The following BMPR1B variants were observed in gnomAD, a reference collection of about 807,000 sequenced individuals.
BMPR1B encodes the protein bone morphogenetic protein receptor type 1B.
BMPR1B carries 12 observed loss-of-function variants against 59.1 expected under a neutral mutation model. The ratio of observed to expected loss-of-function variants is 0.20; its 90% CI spans 0.13 to 0.33. The LOEUF (loss-of-function observed/expected upper bound fraction) is 0.33, where lower values mean the gene tolerates loss of function less well. Ranked by LOEUF, BMPR1B falls within the 10% of genes least tolerant of loss-of-function variation. The pLI is 1.00. For synonymous variants in BMPR1B, 237 were observed against 207.3 expected, an observed-to-expected ratio of 1.14 and a Z score of -1.23; for missense variants, 550 against 610.9, an observed-to-expected ratio of 0.90 and a Z score of 1.05.
intron 1 of BMPR1B, among the ~76,000 whole-genome samples, chr4:94,786,582 A>T (rs1051816323): frequency 5.9e-5 from 9 of 152,168 alleles, no homozygotes; most frequent in African/African-American, 2.2e-4. Context: ...TCTGTTGCCC[A>T]GGCTGGAATG....
intron 3 of BMPR1B, among the ~76,000 whole-genome samples, chr4:95,075,336 T>C (rs1310533211): frequency 6.6e-6 from 1 of 152,196 alleles, no homozygotes; most frequent in East Asian, 1.9e-4. Context: ...GTGACTGCTA[T>C]ACTTATGATT....
rs185941316 is a variant in BMPR1B, at chr4:95,093,586, A to G, written c.-17-10822A>G. On this transcript the variant is annotated intron_variant, in intron 3 of 12. Coordinates refer to ENST00000515059, the MANE Select transcript of BMPR1B (RefSeq NM_001203.3). ...TGTTGTCTGTTGACTTGTATGTCAT[A>G]TTTACTCTTCTTATGTTTTTTTATG... Among the ~76,000 whole-genome samples, 31 of 151,972 alleles carry G rather than the reference A, an allele frequency of 2.0e-4. No homozygotes were observed. In the East Asian group the frequency reaches 5.8e-3, roughly 29 times the overall value.
At position 95,116,421 on chromosome 4, in the gene BMPR1B, G is replaced by GCGCACACACACA; in HGVS notation, c.349+635_349+636insGCACACACACAC. Among the ~76,000 whole-genome samples, 1,019 of 123,220 alleles carry GCGCACACACACA rather than the reference G, an allele frequency of 8.3e-3. 18 individuals are homozygous for GCGCACACACACA. Among genetic ancestry groups the GCGCACACACACA allele is most frequent in the African/African-American group, 0.032 (879 of 27,830 alleles). 80.8% of individuals were successfully genotyped at this position (123,220 alleles called of 152,430 possible). ...CTCCTCCTCCATGCTTTCAGCGCGC[G>GCGCACACACACA]CACACACACACACACACACACACAC... On this transcript the variant is annotated intron_variant, in intron 6 of 12. Transcript: ENST00000515059.
intron 2 of BMPR1B, among the ~76,000 whole-genome samples, chr4:94,903,529 A>T (rs1325124018): frequency 1.3e-5 from 2 of 151,020 alleles, no homozygotes; most frequent in African/African-American, 4.9e-5. Context: ...TTTTTTTTTA[A>T]AAAGACAATC....
At chr4:95,115,042 A>C (rs777385780) in intron 5 of BMPR1B, among the ~76,000 whole-genome samples, 28 of 152,292 alleles carry the variant, frequency 1.8e-4, no homozygotes, top group South Asian at 4.1e-4. Flanking sequence ...TTCTATGGTT[A>C]GATACACAAA....
chr4:94,826,331 G>A (rs866883201), intron 1 of BMPR1B, among the ~76,000 whole-genome samples: 1 of 152,104 alleles, frequency 6.6e-6, no homozygotes, highest in African/African-American at 2.4e-5. Context: ...TCTGTCAAAT[G>A]TAGTCATTTG....
chr4:94,818,776 T>G (rs887647974), intron 1 of BMPR1B, among the ~76,000 whole-genome samples: 1 of 152,166 alleles, frequency 6.6e-6, no homozygotes, highest in African/African-American at 2.4e-5. Context: ...TAGTCTAGAC[T>G]GATTTTGGGG....
intron 10 of BMPR1B, among the ~76,000 whole-genome samples, chr4:95,143,349 G>A (rs1294739468): frequency 2.0e-5 from 3 of 152,248 alleles, no homozygotes; most frequent in Non-Finnish European, 4.4e-5. Flanking sequence ...TCCTGGCAGA[G>A]TGAGTGGCTC....
chr4:95,018,735 A>G (rs1330942166), intron 3 of BMPR1B, among the ~76,000 whole-genome samples: 1 of 152,174 alleles, frequency 6.6e-6, no homozygotes, highest in African/African-American at 2.4e-5. Context: ...CAAAACTGAC[A>G]AACAAACCAG....
intron 1 of BMPR1B, among the ~76,000 whole-genome samples, chr4:94,812,883 A>G (rs985808007): frequency 2.3e-4 from 35 of 152,368 alleles, no homozygotes; most frequent in African/African-American, 7.7e-4. Context: ...TACAGTTTAT[A>G]GACCGCATCA....
chr4:95,098,570 A>G (rs182260794), intron 3 of BMPR1B, among the ~76,000 whole-genome samples: 196 of 151,090 alleles, frequency 1.3e-3, no homozygotes, highest in African/African-American at 4.4e-3. Flanking sequence ...TATTTTTATT[A>G]TACTTTAAGT....
intron 3 of BMPR1B, among the ~76,000 whole-genome samples, chr4:95,098,801 C>T (rs1730612392): frequency 6.6e-6 from 1 of 152,064 alleles, no homozygotes; most frequent in Non-Finnish European, 1.5e-5. Flanking sequence ...ACTGCAAGCT[C>T]CACCTCCCAG....
At chr4:95,064,251 C>G (rs565984191) in intron 3 of BMPR1B, among the ~76,000 whole-genome samples, 11 of 152,288 alleles carry the variant, frequency 7.2e-5, no homozygotes, top group African/African-American at 2.6e-4. Context: ...GGACCATGGA[C>G]TGGTAGTCAT....
chr4:94,857,604 G>A (rs1443039619), intron 1 of BMPR1B, among the ~76,000 whole-genome samples: 7 of 152,120 alleles, frequency 4.6e-5, no homozygotes, highest in Non-Finnish European at 1.0e-4. Flanking sequence ...AGATGAACAA[G>A]GAGAATAAAT....
At chr4:94,957,174 TAGTGTTAACAATC>T (rs1730170603) in intron 2 of BMPR1B, among the ~76,000 whole-genome samples, 1 of 152,130 alleles carries the variant, frequency 6.6e-6, no homozygotes. Flanking sequence ...TGCTGGGGAT[TAGTGTTAACAATC>T]CTGTGTTTGA....
intron 1 of BMPR1B, among the ~76,000 whole-genome samples, chr4:94,870,628 T>C (rs1478471391): frequency 6.6e-6 from 1 of 152,224 alleles, no homozygotes. Context: ...CTGTTTAATT[T>C]GACTTTTCTT....
intron 1 of BMPR1B, among the ~76,000 whole-genome samples, chr4:94,785,729 G>T (rs189381370): frequency 3.0e-4 from 45 of 152,142 alleles, no homozygotes; most frequent in Admixed American, 2.6e-3. Context: ...ATATAAGAGT[G>T]GCAAGGCTGC....
chr4:94,936,293 G>A (rs1331738390), intron 2 of BMPR1B, among the ~76,000 whole-genome samples: 2 of 152,136 alleles, frequency 1.3e-5, no homozygotes, highest in Non-Finnish European at 2.9e-5. Flanking sequence ...CTAACCAAAG[G>A]TGTAAGACCA....
intron 1 of BMPR1B, among the ~76,000 whole-genome samples, chr4:94,834,974 T>C (rs1724745582): frequency 6.6e-6 from 1 of 151,510 alleles, no homozygotes; most frequent in South Asian, 2.1e-4. Flanking sequence ...GAAAATATCC[T>C]TCAAAGATAG....
Sources: allele counts gnomAD v4.1 joint callset (sites outside exome capture counted in the v4.1 genomes callset), GRCh38; gene constraint gnomAD v4.1.1; transcripts MANE v1.5; gene names NCBI Gene and HGNC (gene_info 2026-07-23, HGNC 2026-07-21).